IRAK2: variants seen among roughly 807,000 people sequenced by gnomAD.
The protein encoded by IRAK2 is interleukin-1 receptor-associated kinase-like 2.
A neutral mutation model predicts 72.0 loss-of-function variants in IRAK2; 57 were observed. That is an observed-to-expected ratio of 0.79 (90% confidence interval 0.64 to 0.99). The LOEUF is 0.99. Ranked by LOEUF, IRAK2 falls within the 50% of genes least tolerant of loss-of-function variation. IRAK2 has a pLI of 0.00. For missense variants in IRAK2, 790 were observed against 794.4 expected, an observed-to-expected ratio of 0.99 and a Z score of 0.07; for synonymous variants, 293 against 312.7, an observed-to-expected ratio of 0.94 and a Z score of 0.67.
At chr3:10,231,620 T>C (rs1697862822) in intron 10 of IRAK2, among the ~76,000 whole-genome samples, 1 of 152,048 alleles carries the variant, frequency 6.6e-6, no homozygotes, top group African/African-American at 2.4e-5. Context: ...GGTGGTTTGT[T>C]TGAAACTAGA....
At chr3:10,205,644 C>T (rs1255890753) in intron 3 of IRAK2, among the ~76,000 whole-genome samples, 2 of 152,210 alleles carry the variant, frequency 1.3e-5, no homozygotes, top group African/African-American at 2.4e-5. Flanking sequence ...TCTGGAGCAG[C>T]GGTTCCCAGT....
intron 10 of IRAK2, among the ~76,000 whole-genome samples, chr3:10,232,569 C>T (rs1156502882): frequency 6.6e-6 from 1 of 152,106 alleles, no homozygotes; most frequent in Non-Finnish European, 1.5e-5. Flanking sequence ...TGTTCTCAGT[C>T]CCCCAACCCC....
intron 7 of IRAK2, among the ~76,000 whole-genome samples, chr3:10,217,984 G>A (rs1697629213): frequency 6.6e-6 from 1 of 152,184 alleles, no homozygotes; most frequent in South Asian, 2.1e-4. Flanking sequence ...AAAGTGACTT[G>A]CCCAAAGGAA....
intron 2 of IRAK2, among the ~76,000 whole-genome samples, chr3:10,186,903 A>G (rs895021884): frequency 6.7e-6 from 1 of 149,922 alleles, no homozygotes; most frequent in African/African-American, 2.5e-5. Flanking sequence ...GTGCTCAAAC[A>G]GTCCTCTTGC....
At chr3:10,242,012 A>C in intron 12 of IRAK2, 104 bp from the exon 13 acceptor site, 1 of 597,774 alleles carries the variant, frequency 1.7e-6, no homozygotes, top group South Asian at 2.3e-5. Context: ...AATGCTCATT[A>C]CACTCAGGGC....
intron 2 of IRAK2, among the ~76,000 whole-genome samples, chr3:10,189,912 G>A (rs1370071144): frequency 6.6e-6 from 1 of 152,024 alleles, no homozygotes; most frequent in Non-Finnish European, 1.5e-5. Flanking sequence ...CTTGCCACTG[G>A]AGGCGACACT....
At chr3:10,222,099 G>T (rs1175103559) in intron 8 of IRAK2, among the ~76,000 whole-genome samples, 1 of 152,114 alleles carries the variant, frequency 6.6e-6, no homozygotes, top group Non-Finnish European at 1.5e-5. Flanking sequence ...TGCTGGCCAG[G>T]CTGGTCTTGA....
intron 8 of IRAK2, among the ~76,000 whole-genome samples, chr3:10,221,582 T>C (rs573390446): frequency 1.4e-4 from 21 of 150,238 alleles, no homozygotes; most frequent in Non-Finnish European, 2.8e-4. Flanking sequence ...GACAGGGCCT[T>C]GCTCTTTTGC....
intron 4 of IRAK2, among the ~76,000 whole-genome samples, chr3:10,212,931 A>AT (rs1295935503): frequency 2.0e-5 from 3 of 151,064 alleles, no homozygotes; most frequent in East Asian, 1.9e-4. Context: ...CGCCTGGATA[A>AT]TTTTTTTTTG....
intron 1 of IRAK2, among the ~76,000 whole-genome samples, chr3:10,166,714 G>A (rs1005394249): frequency 6.6e-6 from 1 of 151,958 alleles, no homozygotes; most frequent in Admixed American, 6.6e-5. Context: ...GCGAGATCTC[G>A]GCTCACTGCA....
rs895093702 is a variant in IRAK2, at chr3:10,231,997, G to T, written c.1273-2462G>T. Among the ~76,000 whole-genome samples, 6 of 152,182 alleles carry T rather than the reference G, an allele frequency of 3.9e-5. No homozygotes were observed. The East Asian group carries it at 1.2e-3, about 30-fold the overall frequency. On this transcript the variant is annotated intron_variant, in intron 10 of 12. Coordinates refer to ENST00000256458, the MANE Select transcript of IRAK2 (RefSeq NM_001570.4). Reference sequence around the variant, plus strand: ...AAAAAATTAGCCGGGCATGGTGGCGGGTGCCTGTAGTCCCAGCTACTCGGG... The same window carrying T: ...AAAAAATTAGCCGGGCATGGTGGCGTGTGCCTGTAGTCCCAGCTACTCGGG...
intron 2 of IRAK2, among the ~76,000 whole-genome samples, chr3:10,183,156 C>T (rs1696989859): frequency 6.6e-6 from 1 of 152,186 alleles, no homozygotes; most frequent in Non-Finnish European, 1.5e-5. Flanking sequence ...AAGTCCTGGA[C>T]ATGAAGTGGC....
chr3:10,222,761 C>A lies in IRAK2; in HGVS notation c.1139C>A (p.Ala380Glu). The A allele has an allele frequency of 6.2e-7, 1 of 1,614,198 alleles. No homozygotes were observed. The highest frequency in any genetic ancestry group is 8.5e-7 in the Non-Finnish European group (1 of 1,180,030). The change falls in exon 9 of 13, where the codon GCG becomes GAG. Residue 380 changes from alanine (A) to glutamate (E), a missense_variant. Transcript: ENST00000256458. ...MKTHLLRTSA[A>E]YLPEDFIRVG... ...ACTCACCTGCTCCGGACGTCAGCCG[C>A]GTATCTGCCAGAGGATTTCATCCGG...
chr3:10,215,222 A>C (rs1309635029), intron 6 of IRAK2, among the ~76,000 whole-genome samples: 1 of 151,514 alleles, frequency 6.6e-6, no homozygotes, highest in Admixed American at 6.6e-5. Flanking sequence ...CCTCATCTCT[A>C]CTAAAAAAAA....
intron 1 of IRAK2, among the ~76,000 whole-genome samples, chr3:10,165,839 T>C (rs879913185): frequency 6.7e-6 from 1 of 149,256 alleles, no homozygotes; most frequent in Non-Finnish European, 1.5e-5. Flanking sequence ...CACGCCATTC[T>C]CCTGCCTCAG....
intron 2 of IRAK2, among the ~76,000 whole-genome samples, chr3:10,193,343 C>T (rs981785727): frequency 6.6e-6 from 1 of 151,954 alleles, no homozygotes; most frequent in Admixed American, 6.6e-5. Flanking sequence ...GTGGCTCACA[C>T]CTGTAATCCC....
intron 10 of IRAK2, among the ~76,000 whole-genome samples, chr3:10,233,946 C>A (rs1461403154): frequency 6.6e-6 from 1 of 151,992 alleles, no homozygotes; most frequent in East Asian, 1.9e-4. Context: ...CCCCCCACCT[C>A]CCCCACCATA....
chr3:10,176,861 G>A (rs554609150), intron 1 of IRAK2, among the ~76,000 whole-genome samples: 1 of 149,032 alleles, frequency 6.7e-6, no homozygotes, highest in South Asian at 2.1e-4. Context: ...GGAGTGCAAT[G>A]GCGTGATCTT....
intron 9 of IRAK2, among the ~76,000 whole-genome samples, chr3:10,223,227 C>T (rs1429032671): frequency 6.6e-6 from 1 of 152,172 alleles, no homozygotes; most frequent in Non-Finnish European, 1.5e-5. Flanking sequence ...ATCCAGCCAT[C>T]CACTTGTCCA....
Sources: allele counts gnomAD v4.1 joint callset (sites outside exome capture counted in the v4.1 genomes callset), GRCh38; gene constraint gnomAD v4.1.1; transcripts MANE v1.5; gene names NCBI Gene and HGNC (gene_info 2026-07-23, HGNC 2026-07-21).